The following PLS3 variants were observed in gnomAD, a reference collection of about 807,000 sequenced individuals.
PLS3 encodes the protein plastin 3, also known as plastin-3.
Under a neutral mutation model 46.5 loss-of-function variants are expected in PLS3, and 11 were observed. That is an observed-to-expected ratio of 0.24 (90% CI 0.15 to 0.39). The LOEUF (loss-of-function observed/expected upper bound fraction) is 0.39. Among genes scored for constraint, PLS3 ranks in the 10% least tolerant of loss-of-function variants. PLS3 has a pLI of 1.00. For missense variants in PLS3, 308 were observed against 461.8 expected (o/e 0.67, Z 3.05); for synonymous variants, 167 against 162.2 (o/e 1.03, Z -0.22).
chrX:115,598,934 G>C (rs2074414637), intron 1 of PLS3, among the ~76,000 whole-genome samples: 1 of 111,444 alleles, frequency 9.0e-6, no homozygotes, highest in African/African-American at 3.3e-5. Flanking sequence ...TGAACTCATT[G>C]TCTATATTCT....
intron 1 of PLS3, among the ~76,000 whole-genome samples, chrX:115,580,730 A>G (rs1254424740): frequency 3.6e-5 from 4 of 112,255 alleles, no homozygotes; most frequent in African/African-American, 9.7e-5. Context: ...AATGAATTAG[A>G]CTTTTGAAAT....
intron 1 of PLS3, among the ~76,000 whole-genome samples, chrX:115,607,557 G>A (rs1556635507): frequency 9.4e-6 from 1 of 106,680 alleles, no homozygotes; most frequent in African/African-American, 3.5e-5. Context: ...GGAGTGCAGT[G>A]GTACGATCTC....
chrX:115,649,109 T>A (rs1374068635), intron 15 of PLS3, among the ~76,000 whole-genome samples: 1 of 111,623 alleles, frequency 9.0e-6, no homozygotes, highest in African/African-American at 3.3e-5. Context: ...ATGAGAATAT[T>A]AACATGGATT....
chrX:115,567,750 C>T (rs1235754491), intron 1 of PLS3, among the ~76,000 whole-genome samples: 2 of 87,914 alleles, frequency 2.3e-5, no homozygotes, highest in African/African-American at 8.8e-5. Flanking sequence ...CTCACTCTGT[C>T]GCCCATTCAT....
intron 10 of PLS3, among the ~76,000 whole-genome samples, chrX:115,643,921 G>T (rs977910691): frequency 9.0e-6 from 1 of 111,687 alleles, no homozygotes; most frequent in African/African-American, 3.3e-5. Context: ...ACAGTGAGCC[G>T]AGATCGCGCT....
At chrX:115,580,655 A>T (rs959987228) in intron 1 of PLS3, among the ~76,000 whole-genome samples, 1 of 111,547 alleles carries the variant, frequency 9.0e-6, no homozygotes, top group Non-Finnish European at 1.9e-5. Flanking sequence ...TTTCCATGTT[A>T]ATTTTTAAAA....
At chrX:115,630,862 T>TGTATATATATGTATAATATATATA (rs2074761825) in intron 5 of PLS3, among the ~76,000 whole-genome samples, 1 of 77,678 alleles carries the variant, frequency 1.3e-5, no homozygotes. Context: ...ATATGTATAT[T>TGTATATATATGTATAATATATATA]ATACATGTAT....
Position 115,643,287 on chromosome X carries a change from A to C in PLS3, c.988-26A>C, listed in dbSNP as rs1381671608. On this transcript the variant is annotated intron_variant, in intron 9 of 15. Coordinates refer to ENST00000355899, the MANE Select transcript of PLS3 (RefSeq NM_005032.7). ...CTATATTTTTAGTGTGGCCTTTGAC[A>C]AAGTCTTCCGATTTTGTTTCAACAG... The C allele has an allele frequency of 3.7e-6, 4 of 1,076,276 alleles. No individual in the cohort carries two copies. In the African/African-American group the frequency reaches 5.5e-5, roughly 15 times the overall value. 88.7% of individuals were successfully genotyped at this position (1,076,276 alleles called of 1,213,427 possible).
chrX:115,629,141 C>T, intron 3 of PLS3, 57 bp from the exon 4 acceptor site: 1 of 804,757 alleles, frequency 1.2e-6, no homozygotes, highest in Non-Finnish European at 1.8e-6. Flanking sequence ...TATAAATATG[C>T]TTATTGTGCA....
intron 9 of PLS3, among the ~76,000 whole-genome samples, chrX:115,642,451 GTCT>G: frequency 9.0e-6 from 1 of 111,452 alleles, no homozygotes; most frequent in South Asian, 3.8e-4. Context: ...GAAGGTGTCT[GTCT>G]TCTCCCTCAG....
chrX:115,636,815 A>ATTTTTT, intron 7 of PLS3, 21 bp from the exon 8 acceptor site: 3 of 917,596 alleles, frequency 3.3e-6, no homozygotes, highest in East Asian at 3.6e-5. Context: ...TAACTGTGGG[A>ATTTTTT]TTTTTTTTTT....
intron 2 of PLS3, among the ~76,000 whole-genome samples, chrX:115,616,110 T>G (rs1308351656): frequency 1.8e-5 from 2 of 112,033 alleles, no homozygotes; most frequent in Non-Finnish European, 3.8e-5. Flanking sequence ...TGGGTCAGTT[T>G]ATTATTAAGT....
chrX:115,618,937 G>A (rs2074622441), intron 2 of PLS3, among the ~76,000 whole-genome samples: 2 of 112,108 alleles, frequency 1.8e-5, no homozygotes, highest in Non-Finnish European at 3.8e-5. Flanking sequence ...CACTGAAGTG[G>A]ACAACGTTTT....
At chrX:115,586,030 A>G (rs1277988273) in intron 1 of PLS3, among the ~76,000 whole-genome samples, 4 of 108,259 alleles carry the variant, frequency 3.7e-5, no homozygotes, top group African/African-American at 1.4e-4. Context: ...CTTGTTGCCC[A>G]GGCTGAGGTG....
At chrX:115,639,156 T>G in intron 8 of PLS3, among the ~76,000 whole-genome samples, 1 of 112,529 alleles carries the variant, frequency 8.9e-6, no homozygotes, top group South Asian at 3.7e-4. Flanking sequence ...TCTTTACTTG[T>G]TCTTCTCAAG....
At chrX:115,637,117 G>A (rs2074845681) in intron 8 of PLS3, 139 bp downstream of exon 8, 1 of 548,783 alleles carries the variant, frequency 1.8e-6, no homozygotes, top group Non-Finnish European at 2.9e-6. Flanking sequence ...TTTTAGAAGA[G>A]TAATAGAGCC....
At chrX:115,643,037 A>C (rs781956197) in intron 9 of PLS3, among the ~76,000 whole-genome samples, 13 of 111,810 alleles carry the variant, frequency 1.2e-4, no homozygotes, top group African/African-American at 4.2e-4. Flanking sequence ...AAAATCTGGG[A>C]GTTTCCCCCA....
intron 1 of PLS3, among the ~76,000 whole-genome samples, chrX:115,563,230 GGTA>G (rs2074151257): frequency 9.0e-6 from 1 of 111,668 alleles, no homozygotes; most frequent in East Asian, 2.8e-4. Flanking sequence ...ACTACTTAAA[GGTA>G]GTAAATAACC....
rs2074947778 is a variant in PLS3 at position 115,646,005 on chromosome X, C to T, written c.1263-67C>T. ...TATCTTGTTTGACAATGTAGTGTTA[C>T]TGTTTTTAAGGAAAGTCAAGTCCCA... On this transcript the variant is annotated intron_variant, in intron 11 of 15. Coordinates refer to ENST00000355899, the MANE Select transcript of PLS3 (RefSeq NM_005032.7). The T allele has an allele frequency of 1.6e-5, 9 of 572,609 alleles. No homozygotes were observed. The Admixed American group carries it at 2.0e-4, about 13-fold the overall frequency. The allele number at this position is 572,609 out of a possible 1,213,427, so 47.2% of individuals were successfully genotyped here. A position where few individuals can be genotyped will look rare whatever the true frequency, so the allele number is the denominator to read the frequency against.
Sources: gnomAD v4.1 joint callset for allele counts (sites outside exome capture counted in the v4.1 genomes callset) on GRCh38, gnomAD v4.1.1 for gene constraint, MANE v1.5 for transcripts, NCBI Gene and HGNC (gene_info 2026-07-23, HGNC 2026-07-21) for gene names.